The following GPC6 variants were observed in gnomAD, a reference collection of about 807,000 sequenced individuals.
The protein encoded by GPC6 is glypican-6.
In GPC6, 14 loss-of-function variants were observed where a neutral mutation model predicts 55.2. That is an observed-to-expected ratio of 0.25 (90% confidence interval 0.17 to 0.40). The LOEUF is 0.40. Ranked by LOEUF, GPC6 falls within the 10% of genes least tolerant of loss-of-function variation. The pLI, the probability that GPC6 is intolerant of heterozygous loss-of-function variation, is 1.00. For synonymous variants in GPC6, 278 were observed against 259.6 expected, an observed-to-expected ratio of 1.07 and a Z score of -0.68; for missense variants, 641 against 708.5, an observed-to-expected ratio of 0.90 and a Z score of 1.08.
intron 1 of GPC6, among the ~76,000 whole-genome samples, chr13:93,396,431 C>T (rs754288163): frequency 6.6e-6 from 1 of 151,886 alleles, no homozygotes; most frequent in Admixed American, 6.6e-5. Flanking sequence ...GGCGTGGTGG[C>T]GGGCGCCAGT....
intron 3 of GPC6, among the ~76,000 whole-genome samples, chr13:93,881,030 G>A (rs1240282407): frequency 2.0e-5 from 3 of 152,042 alleles, no homozygotes; most frequent in Non-Finnish European, 4.4e-5. Flanking sequence ...AACAAGCCCA[G>A]CATCCTTCCT....
At chr13:94,162,278 C>T (rs1187774440) in intron 4 of GPC6, among the ~76,000 whole-genome samples, 2 of 152,160 alleles carry the variant, frequency 1.3e-5, no homozygotes, top group Admixed American at 6.5e-5. Flanking sequence ...GAGGTGGTCT[C>T]TCCCTGAGAC....
At chr13:93,842,713 GT>G (rs1887997498) in intron 3 of GPC6, among the ~76,000 whole-genome samples, 1 of 152,036 alleles carries the variant, frequency 6.6e-6, no homozygotes, top group Non-Finnish European at 1.5e-5. Flanking sequence ...GGAAATTTAA[GT>G]TGTTGCTCCA....
At chr13:93,455,034 A>G (rs1008812373) in intron 1 of GPC6, among the ~76,000 whole-genome samples, 3 of 152,172 alleles carry the variant, frequency 2.0e-5, no homozygotes, top group Non-Finnish European at 2.9e-5. Context: ...CCCGGGTGCT[A>G]AGCCCCTTAT....
In GPC6 at chr13:93,925,847, G is replaced by A. The variant is rs138402478; in HGVS notation, c.711+95302G>A. ...TTCTGGCTGTTGGCTGAGTTCCTTG[G>A]ATCTTCTCCACATACTGTCTTTGGG... is the stretch of plus-strand genomic sequence containing the variant. On this transcript the variant is annotated intron_variant, in intron 3 of 8. Transcript: ENST00000377047. Among the ~76,000 whole-genome samples the A allele has an allele frequency of 4.1e-3, 626 of 152,210 alleles. 5 individuals carry two copies. Among genetic ancestry groups the A allele is most frequent in the South Asian group, 0.017 (84 of 4,816 alleles).
intron 3 of GPC6, among the ~76,000 whole-genome samples, chr13:93,896,984 T>A (rs2140323323): frequency 8.2e-6 from 1 of 122,466 alleles, no homozygotes; most frequent in South Asian, 2.6e-4. Context: ...ACCTCATTAT[T>A]CTTTTTTTTT....
chr13:93,449,788 A>AG (rs1878153275), intron 1 of GPC6, among the ~76,000 whole-genome samples: 3 of 151,762 alleles, frequency 2.0e-5, no homozygotes, highest in Non-Finnish European at 4.4e-5. Context: ...AGATGGTGCC[A>AG]CTGCACTCCA....
intron 4 of GPC6, among the ~76,000 whole-genome samples, chr13:94,102,501 C>T (rs1885902969): frequency 6.6e-6 from 1 of 151,584 alleles, no homozygotes; most frequent in Non-Finnish European, 1.5e-5. Flanking sequence ...TGTTTTCTGA[C>T]CCTTTTTTTT....
At chr13:93,395,314 T>C in intron 1 of GPC6, 1 of 482,604 alleles carries the variant, frequency 2.1e-6, no homozygotes, top group Non-Finnish European at 4.0e-6. Flanking sequence ...CAGCCATCTC[T>C]TGCTTTGACA....
intron 1 of GPC6, among the ~76,000 whole-genome samples, chr13:93,338,401 C>T (rs9561317): frequency 0.22 from 33,326 of 152,106 alleles, 4,920 homozygotes; most frequent in East Asian, 0.42. Context: ...ATCAGTTTCT[C>T]CACATCTTGT....
chr13:93,857,643 G>C (rs1222399821), intron 3 of GPC6, among the ~76,000 whole-genome samples: 1 of 151,534 alleles, frequency 6.6e-6, no homozygotes, highest in Non-Finnish European at 1.5e-5. Context: ...AATATCATAT[G>C]TTATTTATAG....
At chr13:93,990,781 C>T (rs548746763) in intron 3 of GPC6, among the ~76,000 whole-genome samples, 3 of 151,334 alleles carry the variant, frequency 2.0e-5, no homozygotes, top group South Asian at 2.1e-4. Flanking sequence ...GAGGATTCCT[C>T]GAGCCCATGA....
At chr13:93,610,767 C>T (rs775242128) in intron 2 of GPC6, among the ~76,000 whole-genome samples, 1 of 152,050 alleles carries the variant, frequency 6.6e-6, no homozygotes, top group African/African-American at 2.4e-5. Context: ...GGATAATGCA[C>T]TGTGATTTTT....
intron 3 of GPC6, among the ~76,000 whole-genome samples, chr13:93,947,104 T>C (rs1305724846): frequency 6.6e-6 from 1 of 152,226 alleles, no homozygotes; most frequent in Non-Finnish European, 1.5e-5. Context: ...CTTATAATTT[T>C]TGGCCTTCGA....
chr13:93,494,837 T>A (rs1242588442), intron 1 of GPC6, among the ~76,000 whole-genome samples: 1 of 148,974 alleles, frequency 6.7e-6, no homozygotes, highest in Admixed American at 6.7e-5. Context: ...TCTTTAAGAA[T>A]GTTGAATATT....
chr13:94,118,699 G>T (rs1204089121), intron 4 of GPC6, among the ~76,000 whole-genome samples: 1 of 151,848 alleles, frequency 6.6e-6, no homozygotes, highest in Admixed American at 6.6e-5. Context: ...CCCTTCTTTA[G>T]CTATAGCCAC....
chr13:94,370,051 A>G (rs933913045), intron 6 of GPC6, among the ~76,000 whole-genome samples: 1 of 152,244 alleles, frequency 6.6e-6, no homozygotes, highest in Non-Finnish European at 1.5e-5. Flanking sequence ...CCTGGGAGCC[A>G]AGAAGTACAG....
At position 93,758,321 on chromosome 13, in the gene GPC6, G is replaced by A. The variant is rs956186044; in HGVS notation, c.320-71833G>A. ...AAAAGTTCCCTGAGAAGGAAGTGTC[G>A]GCAAGTGTTATGACTGAGGTATTGA... On this transcript the variant is annotated intron_variant, in intron 2 of 8. Coordinates refer to ENST00000377047, the MANE Select transcript of GPC6 (RefSeq NM_005708.5). Among the ~76,000 whole-genome samples, 15 of 152,232 alleles carry A rather than the reference G, an allele frequency of 9.9e-5. No homozygotes were observed. In the South Asian group the frequency reaches 2.9e-3, roughly 29 times the overall value.
At chr13:94,400,911 A>G (rs1284956426) in intron 8 of GPC6, among the ~76,000 whole-genome samples, 1 of 152,202 alleles carries the variant, frequency 6.6e-6, no homozygotes, top group African/African-American at 2.4e-5. Context: ...GGGTGAGGAA[A>G]CGGAGCCTCA....
Sources: gnomAD v4.1 joint callset for allele counts (sites outside exome capture counted in the v4.1 genomes callset) on GRCh38, gnomAD v4.1.1 for gene constraint, MANE v1.5 for transcripts, NCBI Gene and HGNC (gene_info 2026-07-23, HGNC 2026-07-21) for gene names.